Variants in CTNNA2 observed in about 807,000 individuals in gnomAD.
The protein encoded by CTNNA2 is catenin alpha 2, also known as catenin alpha-2.
CTNNA2 carries 42 observed loss-of-function variants against 101.0 expected under a neutral mutation model. That is an observed-to-expected ratio of 0.42 (90% confidence interval 0.32 to 0.54). The LOEUF (loss-of-function observed/expected upper bound fraction) is 0.54, where lower values mean the gene tolerates loss of function less well. Among genes scored for constraint, CTNNA2 ranks in the 20% least tolerant of loss-of-function variants. The probability of loss-of-function intolerance (pLI) is 0.14; values close to 1 mark genes in which losing one functional copy is unlikely to be tolerated. For missense variants in CTNNA2, 871 were observed against 1,223.1 expected (o/e 0.71, Z 4.29); for synonymous variants, 450 against 456.4 (o/e 0.99, Z 0.18).
chr2:79,707,781 G>A (rs754448460), intron 2 of CTNNA2, among the ~76,000 whole-genome samples: 10 of 152,170 alleles, frequency 6.6e-5, no homozygotes, highest in South Asian at 2.1e-4. Flanking sequence ...CAGTGAGGTC[G>A]TGGAAATAGA....
chr2:79,540,887 T>C (rs1168508607), intron 1 of CTNNA2, among the ~76,000 whole-genome samples: 1 of 152,170 alleles, frequency 6.6e-6, no homozygotes, highest in Non-Finnish European at 1.5e-5. Context: ...AATAATTTGC[T>C]TGAAACAACT....
chr2:79,470,529 A>G (rs1343995944), intron 4 of CTNNA2, among the ~76,000 whole-genome samples: 1 of 152,218 alleles, frequency 6.6e-6, no homozygotes, highest in African/African-American at 2.4e-5. Context: ...TGCATTTAAT[A>G]TGAGAGACTT....
At chr2:79,437,543 AT>A (rs1483836063) in intron 4 of CTNNA2, among the ~76,000 whole-genome samples, 1 of 152,132 alleles carries the variant, frequency 6.6e-6, no homozygotes, top group African/African-American at 2.4e-5. Flanking sequence ...CCCTACAACT[AT>A]CAAATCATAA....
chr2:80,174,706 A>C (rs1272367224), intron 7 of CTNNA2, among the ~76,000 whole-genome samples: 1 of 152,126 alleles, frequency 6.6e-6, no homozygotes, highest in African/African-American at 2.4e-5. Context: ...TCTCTTTCTC[A>C]AAGAATGGCA....
intron 3 of CTNNA2, among the ~76,000 whole-genome samples, chr2:79,348,641 G>A (rs1337656803): frequency 6.6e-6 from 1 of 152,134 alleles, no homozygotes; most frequent in Admixed American, 6.5e-5. Context: ...GGTAACTAGG[G>A]TATGAAGTCA....
At chr2:80,549,363 G>T (rs1484763281) in intron 11 of CTNNA2, among the ~76,000 whole-genome samples, 3 of 151,944 alleles carry the variant, frequency 2.0e-5, no homozygotes, top group African/African-American at 7.3e-5. Context: ...ACAGTCTTAA[G>T]TTTATTTTCT....
At chr2:80,414,104 G>A (rs957053544) in intron 8 of CTNNA2, among the ~76,000 whole-genome samples, 2 of 152,164 alleles carry the variant, frequency 1.3e-5, no homozygotes, top group Non-Finnish European at 2.9e-5. Flanking sequence ...CATGCAAAAG[G>A]CTTCAACTGC....
At chr2:80,088,943 T>G (rs1186183185) in intron 7 of CTNNA2, among the ~76,000 whole-genome samples, 2 of 151,902 alleles carry the variant, frequency 1.3e-5, no homozygotes, top group African/African-American at 4.8e-5. Flanking sequence ...GCTTGGAAAT[T>G]TATAATAGAC....
At chr2:79,445,081 C>CA (rs1678818662) in intron 4 of CTNNA2, among the ~76,000 whole-genome samples, 1 of 152,140 alleles carries the variant, frequency 6.6e-6, no homozygotes, top group Non-Finnish European at 1.5e-5. Flanking sequence ...GGATGCTAGA[C>CA]AGGCAGGGTT....
intron 3 of CTNNA2, among the ~76,000 whole-genome samples, chr2:79,771,909 G>T (rs544937133): frequency 6.6e-6 from 1 of 152,236 alleles, no homozygotes; most frequent in Non-Finnish European, 1.5e-5. Context: ...TTATGGCTAT[G>T]ATCACAGCCT....
At chr2:79,759,635 T>A (rs533796508) in intron 3 of CTNNA2, among the ~76,000 whole-genome samples, 1 of 152,278 alleles carries the variant, frequency 6.6e-6, no homozygotes, top group South Asian at 2.1e-4. Flanking sequence ...TTCTCTTGGC[T>A]TCTACAATAC....
At chr2:80,263,397 C>T (rs1672764149) in intron 7 of CTNNA2, among the ~76,000 whole-genome samples, 1 of 152,172 alleles carries the variant, frequency 6.6e-6, no homozygotes, top group South Asian at 2.1e-4. Context: ...GCCAGTGGCA[C>T]AGTCTTGGCT....
chr2:80,494,884 A>G (rs1263141487), intron 9 of CTNNA2, among the ~76,000 whole-genome samples: 1 of 152,224 alleles, frequency 6.6e-6, no homozygotes, highest in Non-Finnish European at 1.5e-5. Context: ...AGATTTGCAA[A>G]ATAGTTCCCA....
intron 3 of CTNNA2, among the ~76,000 whole-genome samples, chr2:79,847,989 G>C (rs559264348): frequency 6.6e-6 from 1 of 152,142 alleles, no homozygotes; most frequent in Non-Finnish European, 1.5e-5. Flanking sequence ...TGACATTTCA[G>C]TGCGTTTTGA....
intron 4 of CTNNA2, among the ~76,000 whole-genome samples, chr2:79,416,015 A>C (rs939924996): frequency 1.3e-5 from 2 of 152,238 alleles, no homozygotes; most frequent in East Asian, 3.9e-4. Flanking sequence ...CATCATTGAA[A>C]TTAGATAAAC....
chr2:79,882,085 T>G (rs776854437), intron 6 of CTNNA2, among the ~76,000 whole-genome samples: 8 of 151,990 alleles, frequency 5.3e-5, no homozygotes, highest in East Asian at 3.9e-4. Flanking sequence ...GGCTGGATAT[T>G]AAATTCTGGG....
Position 80,368,867 on chromosome 2 carries a change from G to A in CTNNA2, c.1057-24344G>A, listed in dbSNP as rs10171758. ...TATATATGTGTGTGTGTGTGTGTGT[G>A]TATATATATATATATATTTGGCACG... On this transcript the variant is annotated intron_variant, in intron 7 of 18. Coordinates refer to ENST00000402739, the MANE Select transcript of CTNNA2 (RefSeq NM_001282597.3). Among the ~76,000 whole-genome samples, 361 of 144,736 alleles carry A rather than the reference G, an allele frequency of 2.5e-3. 1 individual carries two copies. The highest frequency in any genetic ancestry group is 8.8e-3 in the South Asian group (40 of 4,548). 95.0% of individuals were successfully genotyped at this position (144,736 alleles called of 152,430 possible).
intron 13 of CTNNA2, among the ~76,000 whole-genome samples, chr2:80,580,178 C>A (rs1440306852): frequency 6.6e-6 from 1 of 152,156 alleles, no homozygotes; most frequent in Non-Finnish European, 1.5e-5. Flanking sequence ...TGTTAAGAAA[C>A]CTGCGTGAGT....
At chr2:79,717,723 ACAGTTG>A (rs1312160332) in intron 2 of CTNNA2, among the ~76,000 whole-genome samples, 3 of 152,168 alleles carry the variant, frequency 2.0e-5, no homozygotes, top group African/African-American at 4.8e-5. Flanking sequence ...GGGCAGAAAA[ACAGTTG>A]AAGTGTCAGA....
Sources: allele counts gnomAD v4.1 joint callset (sites outside exome capture counted in the v4.1 genomes callset), GRCh38; gene constraint gnomAD v4.1.1; transcripts MANE v1.5; gene names NCBI Gene and HGNC (gene_info 2026-07-23, HGNC 2026-07-21).